Variants in RIN2 observed in about 807,000 individuals in gnomAD.
RIN2 encodes the protein Ras and Rab interactor 2, also known as RAB5 interacting protein 2.
Under a neutral mutation model 78.0 loss-of-function variants are expected in RIN2, and 36 were observed. The ratio of observed to expected loss-of-function variants is 0.46; its 90% CI spans 0.35 to 0.61. The LOEUF (loss-of-function observed/expected upper bound fraction) is 0.61. RIN2 is among the 20% of genes least tolerant of loss of function. RIN2 has a pLI of 0.00. For missense variants in RIN2, 1,087 were observed against 1,159.7 expected (o/e 0.94, Z 0.91); for synonymous variants, 466 against 466.8 (o/e 1.00, Z 0.02).
At chr20:19,872,062 A>G (rs2037706549) in intron 2 of RIN2, 1 of 152,006 alleles carries the variant, frequency 6.6e-6, no homozygotes, top group South Asian at 2.1e-4. Context: ...AGGTTATTGG[A>G]TCATGGGGGC....
chr20:19,910,710 A>G (rs1274995915), intron 3 of RIN2, among the ~76,000 whole-genome samples: 4 of 151,406 alleles, frequency 2.6e-5, no homozygotes, highest in Non-Finnish European at 4.4e-5. Context: ...CTGGGATTAC[A>G]GGCGCCCACT....
chr20:19,992,404 A>G lies in RIN2; in HGVS notation c.2200+105A>G, dbSNP rs562946727. On this transcript the variant is annotated intron_variant, in intron 11 of 12. Coordinates refer to ENST00000255006, the MANE Select transcript of RIN2 (RefSeq NM_018993.4). ...CATAACATTAATCATTTTACAGTGA[A>G]TAATTCAGTGGCATTTAGTATATTC... 6 of 1,117,486 alleles carry G rather than the reference A, an allele frequency of 5.4e-6. No homozygotes were observed. In the East Asian group the frequency reaches 1.1e-4, roughly 20 times the overall value. 69.2% of individuals were successfully genotyped at this position (1,117,486 alleles called of 1,614,324 possible). A position where few individuals can be genotyped will look rare whatever the true frequency, so the allele number is the denominator to read the frequency against.
rs147128500 is a variant in RIN2, at chr20:19,960,270, T to C, written c.352-430T>C. 4.7e-4 allele frequency among the ~76,000 whole-genome samples: 71 copies of C among 152,370 alleles called. No individual in the cohort carries two copies. In the East Asian group the frequency reaches 0.013, roughly 28 times the overall value. The stretch of plus-strand genomic sequence containing the variant: ...ATTGTAAATATCCTCATAAGCCAAG[T>C]TAACCAATGAAATGCCAATTCCTAT... On this transcript the variant is annotated intron_variant, in intron 5 of 12. Transcript: ENST00000255006.
chr20:19,787,975 C>A (rs1056164816), intron 1 of RIN2, among the ~76,000 whole-genome samples: 2 of 152,022 alleles, frequency 1.3e-5, no homozygotes, highest in African/African-American at 4.8e-5. Context: ...AGTACTACAC[C>A]CCTCCCTAAC....
intron 2 of RIN2, among the ~76,000 whole-genome samples, chr20:19,805,465 G>A (rs910660948): frequency 6.6e-6 from 1 of 152,082 alleles, no homozygotes; most frequent in African/African-American, 2.4e-5. Flanking sequence ...GCAGTGGTGC[G>A]ATCTCGGCTC....
intron 6 of RIN2, among the ~76,000 whole-genome samples, chr20:19,961,244 A>G (rs76361814): frequency 1.3e-5 from 2 of 152,204 alleles, no homozygotes; most frequent in African/African-American, 4.8e-5. Flanking sequence ...ATCCCTGAGC[A>G]GACCTGTTCC....
At chr20:19,788,601 CGA>C (rs1491411824) in intron 1 of RIN2, among the ~76,000 whole-genome samples, 53 of 109,104 alleles carry the variant, frequency 4.9e-4, no homozygotes, top group African/African-American at 2.8e-3. Flanking sequence ...GACTTTGTCT[CGA>C]AAAAAAAAAA....
intron 1 of RIN2, among the ~76,000 whole-genome samples, chr20:19,778,287 A>G (rs2034382724): frequency 6.6e-6 from 1 of 152,258 alleles, no homozygotes; most frequent in African/African-American, 2.4e-5. Context: ...CCTAAAAATC[A>G]CTGAATCATG....
intron 2 of RIN2, among the ~76,000 whole-genome samples, chr20:19,819,577 C>T (rs771025936): frequency 2.6e-5 from 4 of 152,134 alleles, no homozygotes; most frequent in Non-Finnish European, 5.9e-5. Flanking sequence ...AAGGTCTCAC[C>T]GAGGCTAGAG....
chr20:19,926,410 G>C (rs2040223548), intron 3 of RIN2, among the ~76,000 whole-genome samples: 1 of 152,002 alleles, frequency 6.6e-6, no homozygotes, highest in African/African-American at 2.4e-5. Context: ...GCAAGTGAAG[G>C]GGAAAAGCCT....
chr20:19,905,708 G>GAGCAAA (rs2039190323), intron 3 of RIN2, among the ~76,000 whole-genome samples: 1 of 152,110 alleles, frequency 6.6e-6, no homozygotes, highest in Non-Finnish European at 1.5e-5. Context: ...ACTCCAGCCT[G>GAGCAAA]GACAACAGAG....
At chr20:19,916,613 TAAAG>T (rs1356027570) in intron 3 of RIN2, among the ~76,000 whole-genome samples, 2 of 152,080 alleles carry the variant, frequency 1.3e-5, no homozygotes, top group African/African-American at 2.4e-5. Flanking sequence ...AAATAAAAAA[TAAAG>T]AGTTTTGCAG....
intron 4 of RIN2, among the ~76,000 whole-genome samples, chr20:19,936,484 GAGCTTTGGTAGC>G (rs1220937550): frequency 3.3e-5 from 5 of 152,164 alleles, no homozygotes; most frequent in Non-Finnish European, 5.9e-5. Flanking sequence ...ACAGAAAAGA[GAGCTTTGGTAGC>G]ACTGATTTCT....
chr20:19,842,039 A>G (rs868143457), intron 2 of RIN2, among the ~76,000 whole-genome samples: 21 of 152,072 alleles, frequency 1.4e-4, no homozygotes, highest in African/African-American at 5.1e-4. Flanking sequence ...GAACAGGCTG[A>G]CTCTTGTTAG....
At chr20:19,955,065 C>T (rs1001159360) in intron 4 of RIN2, among the ~76,000 whole-genome samples, 1 of 152,194 alleles carries the variant, frequency 6.6e-6, no homozygotes, top group African/African-American at 2.4e-5. Flanking sequence ...ACATTTCCAT[C>T]ACCCTGGAAA....
intron 2 of RIN2, among the ~76,000 whole-genome samples, chr20:19,814,350 G>A (rs761717146): frequency 8.5e-5 from 13 of 152,062 alleles, no homozygotes; most frequent in African/African-American, 1.7e-4. Flanking sequence ...GTGAGGTCGC[G>A]GTGCACACTT....
chr20:19,895,211 G>A (rs115032204), intron 3 of RIN2, among the ~76,000 whole-genome samples: 129 of 152,304 alleles, frequency 8.5e-4, no homozygotes, highest in African/African-American at 2.7e-3. Flanking sequence ...AGGCCTAGCT[G>A]TAGTCTCAAT....
At chr20:19,988,947 G>A (rs925475619) in intron 9 of RIN2, among the ~76,000 whole-genome samples, 7 of 151,376 alleles carry the variant, frequency 4.6e-5, no homozygotes, top group African/African-American at 7.3e-5. Context: ...ATACATGCAC[G>A]TACACATACA....
In RIN2 at chr20:19,797,485, A is replaced by G. The variant is rs146909443; in HGVS notation, c.-162-2137A>G. Reference sequence around the variant, plus strand: ...TATTTGCACATACTTATTTAATACCATAATATAAACCATGCAACAGGCTCC... The same window carrying G: ...TATTTGCACATACTTATTTAATACCGTAATATAAACCATGCAACAGGCTCC... On this transcript the variant is annotated intron_variant, in intron 1 of 12. Transcript: ENST00000255006. Among the ~76,000 whole-genome samples the G allele has an allele frequency of 1.4e-4, 22 of 152,370 alleles. No individual in the cohort carries two copies. The East Asian group carries it at 4.0e-3, about 28-fold the overall frequency.
Sources: gnomAD v4.1 joint callset for allele counts (sites outside exome capture counted in the v4.1 genomes callset) on GRCh38, gnomAD v4.1.1 for gene constraint, MANE v1.5 for transcripts, NCBI Gene and HGNC (gene_info 2026-07-23, HGNC 2026-07-21) for gene names.